The following DSG1 variants were observed in gnomAD, a reference collection of about 807,000 sequenced individuals.
DSG1 encodes desmoglein 1.
In DSG1, 39 loss-of-function variants were observed where a neutral mutation model predicts 97.5. The ratio of observed to expected loss-of-function variants is 0.40; its 90% CI spans 0.31 to 0.52. The LOEUF is 0.52. Ranked by LOEUF, DSG1 falls within the 20% of genes least tolerant of loss-of-function variation. The probability of loss-of-function intolerance (pLI) is 0.53; values close to 1 mark genes in which losing one functional copy is unlikely to be tolerated. For missense variants in DSG1, 1,311 were observed against 1,295.4 expected (o/e 1.01, Z -0.18); for synonymous variants, 475 against 443.4 (o/e 1.07, Z -0.90).
At chr18:31,343,687 G>A in intron 12 of DSG1, 104 bp downstream of exon 12, 2 of 1,540,766 alleles carry the variant, frequency 1.3e-6, no homozygotes, top group African/African-American at 2.7e-5. Context: ...GCTGTTTTTT[G>A]TGCTGAGAAA....
intron 11 of DSG1, among the ~76,000 whole-genome samples, chr18:31,340,553 C>CAAAAAA: frequency 1.1e-5 from 1 of 93,238 alleles, no homozygotes; most frequent in African/African-American, 3.6e-5. Context: ...GGTTCAGTCT[C>CAAAAAA]AAAAAAAAAA....
At chr18:31,328,113 T>C in intron 3 of DSG1, 76 bp from the exon 4 acceptor site, 1 of 1,519,886 alleles carries the variant, frequency 6.6e-7, no homozygotes, top group East Asian at 2.3e-5. Context: ...GCAACAACTC[T>C]CAAGAAAGCT....
In DSG1 at chr18:31,357,022, G is replaced by A. The variant is rs1249745349; in HGVS notation, c.*1676G>A. The A allele has an allele frequency of 6.6e-6, 1 of 151,952 alleles. No homozygotes were observed. The highest frequency in any genetic ancestry group is 1.5e-5 in the Non-Finnish European group (1 of 67,940). 9.4% of individuals were successfully genotyped at this position (151,952 alleles called of 1,614,324 possible). On this transcript the variant is annotated 3_prime_UTR_variant, in exon 15 of 15. Coordinates refer to ENST00000257192, the MANE Select transcript of DSG1 (RefSeq NM_001942.4). ...ACAAAATAAAATTAGAAAAAAATTTGCCCTGGAGTTGTGAATTATATACAA... is the reference window on the plus strand; with the variant it reads ...ACAAAATAAAATTAGAAAAAAATTTACCCTGGAGTTGTGAATTATATACAA...
At position 31,346,783 on chromosome 18, in the gene DSG1, G is replaced by A. The variant is rs987987762; in HGVS notation, c.2100+585G>A. ...AACCTATCATTGCTAAAATCTGTCC[G>A]TTTATATGTCTACCACCACTTTTAG... On this transcript the variant is annotated intron_variant, in intron 14 of 14. Transcript: ENST00000257192. 3.9e-5 allele frequency among the ~76,000 whole-genome samples: 6 copies of A among 152,144 alleles called. No homozygotes were observed. The East Asian group carries it at 1.2e-3, about 29-fold the overall frequency.
intron 8 of DSG1, among the ~76,000 whole-genome samples, chr18:31,335,524 T>C (rs969246074): frequency 5.9e-5 from 9 of 151,444 alleles, no homozygotes; most frequent in African/African-American, 2.2e-4. Flanking sequence ...TACATATATA[T>C]ATATTATGTG....
At chr18:31,328,431 A>T (rs2071700157) in intron 4 of DSG1, 87 bp downstream of exon 4, 3 of 1,395,710 alleles carry the variant, frequency 2.1e-6, no homozygotes, top group Non-Finnish European at 3.0e-6. Flanking sequence ...ATTTGATTTC[A>T]AGAGTCTCAA....
chr18:31,332,037 A>G (rs1043006958), intron 6 of DSG1, among the ~76,000 whole-genome samples, 170 bp downstream of exon 6: 2 of 152,074 alleles, frequency 1.3e-5, no homozygotes, highest in African/African-American at 4.8e-5. Flanking sequence ...AAAAGGGAGG[A>G]TTTTTCAATT....
intron 3 of DSG1, among the ~76,000 whole-genome samples, chr18:31,327,391 C>T (rs910003189): frequency 1.3e-5 from 2 of 152,132 alleles, no homozygotes; most frequent in Admixed American, 6.6e-5. Context: ...TGTTTATTAA[C>T]ATTCACAAGG....
At chr18:31,338,514 T>C (rs2071769365) in intron 10 of DSG1, 60 bp downstream of exon 10, 2 of 1,558,332 alleles carry the variant, frequency 1.3e-6, no homozygotes, top group East Asian at 4.5e-5. Flanking sequence ...CCTTAAGATA[T>C]TAACATTTTA....
Position 31,334,339 on chromosome 18 carries a change from T to TAA in DSG1, c.1005+138_1005+139dup, listed in dbSNP as rs1491009383. 5 of 411,074 alleles carry TAA rather than the reference T, an allele frequency of 1.2e-5. No homozygotes were observed. In the East Asian group the frequency reaches 1.3e-4, roughly 10 times the overall value. 25.5% of individuals were successfully genotyped at this position (411,074 alleles called of 1,614,324 possible). On this transcript the variant is annotated intron_variant, in intron 8 of 14. Transcript: ENST00000257192. ...AATTACTGTGTTTTAAATATATATA[T>TAA]AACATAGAGCTTTTTAATATAGTCT...
chr18:31,330,002 A>C lies in DSG1; in HGVS notation c.483A>C (p.Thr161=). Residue 161 remains threonine, a synonymous_variant, in exon 5 of 15, where the codon ACA becomes ACC. Coordinates refer to ENST00000257192, the MANE Select transcript of DSG1 (RefSeq NM_001942.4). Reference sequence around the variant, plus strand: ...ACCCTCCAGTGTTTTCAATGGCTACATTTGCAGGACAAATAGAAGAAAATT... The same window carrying C: ...ACCCTCCAGTGTTTTCAATGGCTACCTTTGCAGGACAAATAGAAGAAAATT... ...NDNPPVFSMA[T]FAGQIEENSN... The C allele has an allele frequency of 6.2e-7, 1 of 1,613,314 alleles. No individual in the cohort carries two copies.
intron 5 of DSG1, among the ~76,000 whole-genome samples, chr18:31,331,044 A>G (rs1204243178): frequency 6.6e-6 from 1 of 152,098 alleles, no homozygotes; most frequent in Non-Finnish European, 1.5e-5. Flanking sequence ...ACATTCTCCA[A>G]TAATCTAATA....
At chr18:31,351,656 T>A (rs2144121095) in intron 14 of DSG1, among the ~76,000 whole-genome samples, 1 of 151,768 alleles carries the variant, frequency 6.6e-6, no homozygotes, top group East Asian at 1.9e-4. Context: ...GGTGCTCCTG[T>A]ATTGGGTGCA....
chr18:31,329,033 A>C (rs1386603317), intron 4 of DSG1, among the ~76,000 whole-genome samples: 1 of 152,060 alleles, frequency 6.6e-6, no homozygotes, highest in African/African-American at 2.4e-5. Context: ...ATCCATCACA[A>C]ACTCCCATAA....
intron 10 of DSG1, 102 bp downstream of exon 10, chr18:31,338,556 CA>C (rs1006345122): frequency 1.8e-4 from 228 of 1,300,624 alleles, no homozygotes; most frequent in Non-Finnish European, 2.4e-4. Context: ...CCCTTTCCAA[CA>C]AAAGTTGTCA....
In DSG1 at chr18:31,338,546, C is replaced by T. The variant is rs1048483349; in HGVS notation, c.1405+92C>T. The T allele has an allele frequency of 2.8e-6, 4 of 1,407,616 alleles. No homozygotes were observed. In the South Asian group the frequency reaches 4.9e-5, roughly 17 times the overall value. 87.2% of individuals were successfully genotyped at this position (1,407,616 alleles called of 1,614,324 possible). ...TTTAACTATCACATTTTGAAGTAAC[C>T]CCTTTCCAACAAAAGTTGTCACACT... On this transcript the variant is annotated intron_variant, in intron 10 of 14. Coordinates refer to ENST00000257192, the MANE Select transcript of DSG1 (RefSeq NM_001942.4).
At chr18:31,339,502 T>C (rs2071774966) in intron 10 of DSG1, among the ~76,000 whole-genome samples, 1 of 151,958 alleles carries the variant, frequency 6.6e-6, no homozygotes, top group Non-Finnish European at 1.5e-5. Flanking sequence ...CTATTGGTAA[T>C]GTAAAGAAAT....
intron 9 of DSG1, among the ~76,000 whole-genome samples, chr18:31,337,110 A>G (rs2071760468): frequency 6.6e-6 from 1 of 152,230 alleles, no homozygotes; most frequent in Admixed American, 6.5e-5. Flanking sequence ...TTAAAACTCT[A>G]TATATGCAGA....
intron 14 of DSG1, 72 bp downstream of exon 14, chr18:31,346,270 C>A: frequency 7.8e-7 from 1 of 1,281,302 alleles, no homozygotes; most frequent in South Asian, 1.2e-5. Flanking sequence ...TTCACTAATT[C>A]CTAAAGGGGC....
Sources: allele counts gnomAD v4.1 joint callset (sites outside exome capture counted in the v4.1 genomes callset), GRCh38; gene constraint gnomAD v4.1.1; transcripts MANE v1.5; gene names NCBI Gene and HGNC (gene_info 2026-07-23, HGNC 2026-07-21).